The following LHFPL6 variants were observed in gnomAD, a reference collection of about 807,000 sequenced individuals.
The protein encoded by LHFPL6 is LHFPL tetraspan subfamily member 6.
A neutral mutation model predicts 20.6 loss-of-function variants in LHFPL6; 9 were observed. The observed-to-expected ratio is 0.44, with a 90% CI of 0.26 to 0.76. The LOEUF (loss-of-function observed/expected upper bound fraction) is 0.76. Among genes scored for constraint, LHFPL6 ranks in the 30% least tolerant of loss-of-function variants. The probability of loss-of-function intolerance (pLI) is 0.20; values close to 1 mark genes in which losing one functional copy is unlikely to be tolerated. For missense variants in LHFPL6, 218 were observed against 253.5 expected (o/e 0.86, Z 0.95); for synonymous variants, 105 against 98.7 (o/e 1.06, Z -0.38).
At chr13:39,585,555 C>T (rs924016517) in intron 2 of LHFPL6, among the ~76,000 whole-genome samples, 5 of 152,134 alleles carry the variant, frequency 3.3e-5, no homozygotes, top group Admixed American at 3.3e-4. Flanking sequence ...ACTAAAAGAT[C>T]AATTTACTAC....
chr13:39,404,672 C>A (rs1156976175), intron 2 of LHFPL6, among the ~76,000 whole-genome samples: 14 of 152,188 alleles, frequency 9.2e-5, no homozygotes. Context: ...ATCACTCCAG[C>A]TAATTTAGGT....
At chr13:39,494,716 T>G (rs759864289) in intron 2 of LHFPL6, among the ~76,000 whole-genome samples, 22 of 152,194 alleles carry the variant, frequency 1.4e-4, no homozygotes, top group Non-Finnish European at 3.2e-4. Flanking sequence ...ACTAGGGTAT[T>G]TAACTGGAAT....
chr13:39,401,555 A>G (rs954752690), intron 2 of LHFPL6, among the ~76,000 whole-genome samples: 1 of 152,212 alleles, frequency 6.6e-6, no homozygotes, highest in Non-Finnish European at 1.5e-5. Flanking sequence ...GATAAGCAGC[A>G]TGAGTATTTA....
At chr13:39,345,538 A>AAAAAAAAAAAAAAAAAAAAAAAAAAAC (rs1869377161) in intron 3 of LHFPL6, among the ~76,000 whole-genome samples, 2 of 143,678 alleles carry the variant, frequency 1.4e-5, no homozygotes, top group Non-Finnish European at 3.0e-5. Context: ...AAAAAAAAAA[A>AAAAAAAAAAAAAAAAAAAAAAAAAAAC]AAGAAAGAAA....
intron 2 of LHFPL6, among the ~76,000 whole-genome samples, chr13:39,386,939 C>G (rs1328216147): frequency 1.3e-5 from 2 of 152,328 alleles, no homozygotes; most frequent in African/African-American, 4.8e-5. Context: ...AATACTACCA[C>G]TTAAGGTCTA....
At position 39,601,293 on chromosome 13, in the gene LHFPL6, C is replaced by G; in HGVS notation, c.-77G>C. 1.4e-6 allele frequency: 2 copies of G among 1,402,352 alleles called. No homozygotes were observed. The highest frequency in any genetic ancestry group is 1.9e-6 in the Non-Finnish European group (2 of 1,040,518). 86.9% of individuals were successfully genotyped at this position (1,402,352 alleles called of 1,614,324 possible). A position where few individuals can be genotyped will look rare whatever the true frequency, so the allele number is the denominator to read the frequency against. ...GGAGTGAATGAAGGTGTGAAATCAC[C>G]AGGGACCCACAGATAATCCACAGTT... On this transcript the variant is annotated 5_prime_UTR_variant, in exon 2 of 4. Transcript: ENST00000379589.
intron 2 of LHFPL6, among the ~76,000 whole-genome samples, chr13:39,580,439 A>C (rs1189768287): frequency 6.6e-6 from 1 of 152,240 alleles, no homozygotes; most frequent in Non-Finnish European, 1.5e-5. Flanking sequence ...TTACAAGTCC[A>C]AAAATCAGCT....
Position 39,565,119 on chromosome 13 carries a change from A to G in LHFPL6, c.385+35713T>C, listed in dbSNP as rs554453472. ...GTTTAAAAACTACCATTTGCTTAGA[A>G]TAAAAAACAAACTGTCCTGAAATAA... On this transcript the variant is annotated intron_variant, in intron 2 of 3. Coordinates refer to ENST00000379589, the MANE Select transcript of LHFPL6 (RefSeq NM_005780.3). 3.3e-5 allele frequency among the ~76,000 whole-genome samples: 5 copies of G among 152,340 alleles called. No individual in the cohort carries two copies. The South Asian group carries it at 8.3e-4, about 25-fold the overall frequency.
intron 2 of LHFPL6, among the ~76,000 whole-genome samples, chr13:39,576,750 C>T (rs1171847073): frequency 6.6e-6 from 1 of 152,126 alleles, no homozygotes; most frequent in Non-Finnish European, 1.5e-5. Flanking sequence ...CCTCACAACT[C>T]GGCCTCCTGA....
At chr13:39,518,947 G>T (rs1200793033) in intron 2 of LHFPL6, among the ~76,000 whole-genome samples, 2 of 152,206 alleles carry the variant, frequency 1.3e-5, no homozygotes, top group Admixed American at 6.5e-5. Context: ...TCAAAACTCA[G>T]AGCCCAGGGC....
intron 2 of LHFPL6, among the ~76,000 whole-genome samples, chr13:39,400,151 A>G (rs904616839): frequency 3.3e-5 from 5 of 152,346 alleles, no homozygotes; most frequent in East Asian, 3.9e-4. Context: ...CCAAGAAAGC[A>G]GGCCTAAGTA....
intron 2 of LHFPL6, among the ~76,000 whole-genome samples, chr13:39,420,848 T>C (rs1871464174): frequency 6.6e-6 from 1 of 152,126 alleles, no homozygotes; most frequent in Non-Finnish European, 1.5e-5. Flanking sequence ...TGCCCAGAAG[T>C]TTCTCAATTT....
intron 2 of LHFPL6, among the ~76,000 whole-genome samples, chr13:39,400,777 C>T (rs578149691): frequency 0.012 from 673 of 57,610 alleles, 22 homozygotes; most frequent in African/African-American, 0.049. Flanking sequence ...AGCGAGACTC[C>T]GTCTCAAAAA....
chr13:39,367,737 A>G (rs1330248821), intron 3 of LHFPL6, among the ~76,000 whole-genome samples: 1 of 152,260 alleles, frequency 6.6e-6, no homozygotes, highest in East Asian at 1.9e-4. Flanking sequence ...CCAAAAGCCT[A>G]TGAAAATTGC....
intron 2 of LHFPL6, among the ~76,000 whole-genome samples, chr13:39,503,209 T>C (rs993998355): frequency 1.3e-5 from 2 of 152,128 alleles, no homozygotes; most frequent in Non-Finnish European, 2.9e-5. Context: ...GACACATCGC[T>C]CCCTCCCTCA....
intron 2 of LHFPL6, among the ~76,000 whole-genome samples, chr13:39,547,632 T>C (rs1287464136): frequency 6.6e-5 from 10 of 152,242 alleles, no homozygotes; most frequent in Non-Finnish European, 1.3e-4. Flanking sequence ...CTCCTGAGAA[T>C]TGAGGATTCT....
chr13:39,555,058 C>A lies in LHFPL6; in HGVS notation c.385+45774G>T, dbSNP rs536761779. Among the ~76,000 whole-genome samples, 13 of 152,260 alleles carry A rather than the reference C, an allele frequency of 8.5e-5. No homozygotes were observed. In the South Asian group the frequency reaches 2.1e-3, roughly 24 times the overall value. On this transcript the variant is annotated intron_variant, in intron 2 of 3. Transcript: ENST00000379589. The stretch of plus-strand genomic sequence containing the variant: ...CAAATAAATACTCTTGCTCCATTAT[C>A]AAAAATAAAAGATTACGAACAAGGC...
Position 39,431,864 on chromosome 13 carries a change from C to G in LHFPL6, c.386-53338G>C, listed in dbSNP as rs111632593. 1.8e-3 allele frequency among the ~76,000 whole-genome samples: 270 copies of G among 152,250 alleles called. 1 individual carries two copies. The highest frequency in any genetic ancestry group is 5.8e-3 in the African/African-American group (241 of 41,518). On this transcript the variant is annotated intron_variant, in intron 2 of 3. Coordinates refer to ENST00000379589, the MANE Select transcript of LHFPL6 (RefSeq NM_005780.3). ...ATCTCTCACCTGGCTTAACTGCAATCCCTCCCATTTTTTTTTCCTTGTGTC... is the reference window on the plus strand; with the variant it reads ...ATCTCTCACCTGGCTTAACTGCAATGCCTCCCATTTTTTTTTCCTTGTGTC...
At chr13:39,409,596 G>A (rs1234161311) in intron 2 of LHFPL6, among the ~76,000 whole-genome samples, 1 of 152,226 alleles carries the variant, frequency 6.6e-6, no homozygotes, top group African/African-American at 2.4e-5. Flanking sequence ...TCTGGGCCAA[G>A]CTGTACTTAT....
Sources: gnomAD v4.1 joint callset for allele counts (sites outside exome capture counted in the v4.1 genomes callset) on GRCh38, gnomAD v4.1.1 for gene constraint, MANE v1.5 for transcripts, NCBI Gene and HGNC (gene_info 2026-07-23, HGNC 2026-07-21) for gene names.